Variants in STRBP observed in about 807,000 individuals in gnomAD.
STRBP encodes the protein spermatid perinuclear RNA binding protein, also known as spermatid perinuclear RNA-binding protein.
Under a neutral mutation model 80.1 loss-of-function variants are expected in STRBP, and 13 were observed. The observed-to-expected ratio is 0.16, with a 90% confidence interval of 0.11 to 0.26. STRBP has a LOEUF of 0.26. Ranked by LOEUF, STRBP falls within the 10% of genes least tolerant of loss-of-function variation. STRBP has a pLI of 1.00. For synonymous variants in STRBP, 284 were observed against 291.2 expected, an observed-to-expected ratio of 0.98 and a Z score of 0.25; for missense variants, 485 against 815.2, an observed-to-expected ratio of 0.59 and a Z score of 4.93.
At position 123,123,242 on chromosome 9, in the gene STRBP, A is replaced by G; in HGVS notation, c.*2355T>C. ...CAGTGGAGAAAAGAGCAGAGAAGCAAAACTTCATGTTAATCTCAGGCAATT... is the reference window on the plus strand; with the variant it reads ...CAGTGGAGAAAAGAGCAGAGAAGCAGAACTTCATGTTAATCTCAGGCAATT... On this transcript the variant is annotated 3_prime_UTR_variant, in exon 19 of 19. Transcript: ENST00000348403. The G allele has an allele frequency of 1.0e-6, 1 of 985,434 alleles. No individual in the cohort carries two copies. Among genetic ancestry groups the G allele is most frequent in the Non-Finnish European group, 1.2e-6 (1 of 829,922 alleles). 61.0% of individuals were successfully genotyped at this position (985,434 alleles called of 1,614,324 possible).
chr9:123,190,129 A>T (rs1412336588), intron 2 of STRBP, among the ~76,000 whole-genome samples: 1 of 152,074 alleles, frequency 6.6e-6, no homozygotes, highest in Non-Finnish European at 1.5e-5. Context: ...AAAATACAAA[A>T]ATCAGCCAAA....
intron 11 of STRBP, among the ~76,000 whole-genome samples, chr9:123,152,886 A>G (rs1346586583): frequency 1.3e-5 from 2 of 152,212 alleles, no homozygotes; most frequent in African/African-American, 2.4e-5. Flanking sequence ...ATCACTGTCA[A>G]TTTCCTGGTT....
chr9:123,128,038 C>G (rs1013398411), intron 18 of STRBP, among the ~76,000 whole-genome samples, 176 bp downstream of exon 18: 1 of 152,182 alleles, frequency 6.6e-6, no homozygotes, highest in Non-Finnish European at 1.5e-5. Flanking sequence ...AAGAGCAACT[C>G]CAACCAAACC....
chr9:123,173,473 A>C (rs1325701869), intron 5 of STRBP, among the ~76,000 whole-genome samples: 2 of 152,206 alleles, frequency 1.3e-5, no homozygotes, highest in Non-Finnish European at 2.9e-5. Flanking sequence ...GGCCATCTTA[A>C]TTTGGTAAAT....
chr9:123,197,667 CTTTTTTTTT>C (rs71388358), intron 2 of STRBP, among the ~76,000 whole-genome samples: 31 of 87,364 alleles, frequency 3.5e-4, no homozygotes, highest in Admixed American at 9.1e-4. Context: ...AAACATATTT[CTTTTTTTTT>C]TTTTTTTTTT....
chr9:123,188,822 ACT>A (rs1454720729), intron 2 of STRBP, among the ~76,000 whole-genome samples: 1 of 152,158 alleles, frequency 6.6e-6, no homozygotes, highest in African/African-American at 2.4e-5. Context: ...CAGTAAATTT[ACT>A]CTCAAAACAG....
chr9:123,187,534 T>C (rs1387215663), intron 2 of STRBP, among the ~76,000 whole-genome samples: 1 of 152,222 alleles, frequency 6.6e-6, no homozygotes, highest in African/African-American at 2.4e-5. Context: ...ATACATCAGA[T>C]GTATGTAAAT....
intron 2 of STRBP, among the ~76,000 whole-genome samples, chr9:123,210,259 A>G (rs943711060): frequency 2.6e-5 from 4 of 152,224 alleles, no homozygotes; most frequent in Non-Finnish European, 5.9e-5. Context: ...AAGTATAACC[A>G]TAAAATAAAT....
At chr9:123,250,734 G>T (rs949763622) in intron 1 of STRBP, among the ~76,000 whole-genome samples, 3 of 152,148 alleles carry the variant, frequency 2.0e-5, no homozygotes, top group African/African-American at 7.2e-5. Context: ...ATGAACAACA[G>T]ATTTTCAGCA....
chr9:123,120,099 T>C (rs888548052), downstream of STRBP, among the ~76,000 whole-genome samples: 16 of 152,262 alleles, frequency 1.1e-4, no homozygotes, highest in African/African-American at 3.1e-4. Flanking sequence ...CTCATTCTTA[T>C]ATAAGTACTA....
intron 2 of STRBP, among the ~76,000 whole-genome samples, chr9:123,210,973 G>GA (rs2039688154): frequency 2.0e-5 from 3 of 152,172 alleles, no homozygotes; most frequent in Admixed American, 2.0e-4. Context: ...TTGATGGTAG[G>GA]AAAAAATGTT....
At chr9:123,207,835 C>T (rs992468309) in intron 2 of STRBP, among the ~76,000 whole-genome samples, 1 of 152,124 alleles carries the variant, frequency 6.6e-6, no homozygotes, top group African/African-American at 2.4e-5. Flanking sequence ...TTTGGTAAAA[C>T]ATTAGAATAT....
chr9:123,254,372 A>C (rs778206954), intron 1 of STRBP, among the ~76,000 whole-genome samples: 2 of 151,568 alleles, frequency 1.3e-5, no homozygotes, highest in African/African-American at 4.8e-5. Context: ...GAGGCAGAAG[A>C]ATGGCATGAA....
chr9:123,128,292 A>T (rs1197072183), intron 17 of STRBP, 34 bp from the exon 18 acceptor site: 1 of 1,613,912 alleles, frequency 6.2e-7, no homozygotes, highest in African/African-American at 1.3e-5. Context: ...GATCAGTCCA[A>T]GACCCAGGGC....
chr9:123,210,806 G>A (rs1382944008), intron 2 of STRBP, among the ~76,000 whole-genome samples: 1 of 148,164 alleles, frequency 6.7e-6, no homozygotes, highest in African/African-American at 2.6e-5. Flanking sequence ...TCTAGCCTGG[G>A]CAACAGAGCA....
intron 16 of STRBP, 60 bp downstream of exon 16, chr9:123,135,976 GAAAGA>G: frequency 1.9e-6 from 3 of 1,588,902 alleles, no homozygotes; most frequent in Non-Finnish European, 2.6e-6. Context: ...ACATGGACAG[GAAAGA>G]AAATTTAATT....
chr9:123,258,672 C>T (rs1244788308), intron 1 of STRBP, among the ~76,000 whole-genome samples: 3 of 152,106 alleles, frequency 2.0e-5, no homozygotes, highest in East Asian at 1.9e-4. Flanking sequence ...GGCATGGTGG[C>T]GGGCGCCTGT....
intron 17 of STRBP, among the ~76,000 whole-genome samples, chr9:123,130,444 G>A (rs1032455709): frequency 4.6e-5 from 7 of 152,088 alleles, no homozygotes; most frequent in Admixed American, 2.6e-4. Context: ...GCCTGGCAAC[G>A]AGTGGCCATA....
intron 2 of STRBP, among the ~76,000 whole-genome samples, chr9:123,214,247 T>C (rs1432908220): frequency 1.3e-5 from 2 of 151,892 alleles, no homozygotes; most frequent in Non-Finnish European, 2.9e-5. Flanking sequence ...TGGATGGTAC[T>C]GGAGACCATT....
Sources: gnomAD v4.1 joint callset for allele counts (sites outside exome capture counted in the v4.1 genomes callset) on GRCh38, gnomAD v4.1.1 for gene constraint, MANE v1.5 for transcripts, NCBI Gene and HGNC (gene_info 2026-07-23, HGNC 2026-07-21) for gene names.